Variants in FAM76A observed in about 807,000 individuals in gnomAD.
FAM76A encodes family with sequence similarity 76 member A.
In FAM76A, 32 loss-of-function variants were observed where a neutral mutation model predicts 46.2. The ratio of observed to expected loss-of-function variants is 0.69; its 90% CI spans 0.52 to 0.93. The LOEUF (loss-of-function observed/expected upper bound fraction) is 0.93, where lower values mean the gene tolerates loss of function less well. Among genes scored for constraint, FAM76A ranks in the 40% least tolerant of loss-of-function variants. The pLI is 0.00. For synonymous variants in FAM76A, 137 were observed against 127.0 expected (o/e 1.08, Z -0.53); for missense variants, 274 against 361.5 (o/e 0.76, Z 1.96).
At chr1:27,746,015 A>G (rs1338208817) in intron 5 of FAM76A, among the ~76,000 whole-genome samples, 1 of 152,202 alleles carries the variant, frequency 6.6e-6, no homozygotes, top group East Asian at 1.9e-4. Flanking sequence ...CCAAATCTTC[A>G]TTTAAAAAAT....
chr1:27,748,590 T>C (rs1260161054), intron 5 of FAM76A, among the ~76,000 whole-genome samples: 1 of 148,634 alleles, frequency 6.7e-6, no homozygotes, highest in Non-Finnish European at 1.5e-5. Context: ...CAAGCCATTC[T>C]GCTGCCTCAG....
intron 5 of FAM76A, among the ~76,000 whole-genome samples, chr1:27,747,009 A>C (rs563313863): frequency 6.6e-6 from 1 of 152,210 alleles, no homozygotes; most frequent in East Asian, 1.9e-4. Context: ...TTGGAGTTTG[A>C]GGCTTGCTGT....
chr1:27,759,449 A>G, intron 7 of FAM76A, 77 bp from the exon 8 acceptor site: 1 of 880,248 alleles, frequency 1.1e-6, no homozygotes, highest in Non-Finnish European at 1.8e-6. Flanking sequence ...AATTTGGGTG[A>G]CCATTTAGCT....
chr1:27,727,961 C>T (rs1207347948), intron 2 of FAM76A, among the ~76,000 whole-genome samples: 2 of 152,114 alleles, frequency 1.3e-5, no homozygotes, highest in East Asian at 1.9e-4. Context: ...GTGCCTGCCA[C>T]CATGTCCGGC....
chr1:27,734,336 A>C (rs1014378082), intron 4 of FAM76A, among the ~76,000 whole-genome samples, 153 bp downstream of exon 4: 1 of 152,144 alleles, frequency 6.6e-6, no homozygotes, highest in Non-Finnish European at 1.5e-5. Flanking sequence ...TCATGAGGTC[A>C]GGAGATCAAG....
intron 7 of FAM76A, among the ~76,000 whole-genome samples, chr1:27,757,144 C>T (rs1434248360): frequency 6.6e-6 from 1 of 151,094 alleles, no homozygotes; most frequent in African/African-American, 2.4e-5. Context: ...TAACTTCGTG[C>T]CTAGCTCTGT....
chr1:27,758,679 G>GTTTT (rs35065746), intron 7 of FAM76A, among the ~76,000 whole-genome samples: 19 of 111,322 alleles, frequency 1.7e-4, no homozygotes, highest in African/African-American at 2.1e-4. Context: ...TTTAATTTTC[G>GTTTT]TTTTTTTTTT....
At chr1:27,727,657 CA>C (rs780731755) in intron 2 of FAM76A, 121 bp downstream of exon 2, 12 of 733,110 alleles carry the variant, frequency 1.6e-5, no homozygotes, top group African/African-American at 3.5e-5. Context: ...GATCTGTAAT[CA>C]ATCACATTAT....
intron 4 of FAM76A, chr1:27,740,746 C>T (rs2088137447): frequency 2.6e-6 from 1 of 387,398 alleles, no homozygotes; most frequent in Non-Finnish European, 4.7e-6. Flanking sequence ...AGCAATTATT[C>T]ATTCTAATGA....
rs373115751 is a variant in FAM76A at position 27,748,622 on chromosome 1, C to T, written c.513-446C>T. ...TCAGCCTCCTGCGTAGCTGGGACTA[C>T]AGGCGCCCGCCACCTCGCCTGGCTA... On this transcript the variant is annotated intron_variant, in intron 5 of 8. Coordinates refer to ENST00000373954, the MANE Select transcript of FAM76A (RefSeq NM_152660.3). 2.0e-5 allele frequency among the ~76,000 whole-genome samples: 3 copies of T among 151,686 alleles called. No individual in the cohort carries two copies. In the East Asian group the frequency reaches 5.8e-4, roughly 30 times the overall value.
chr1:27,740,945 G>C (rs2148574676), intron 4 of FAM76A, among the ~76,000 whole-genome samples: 1 of 152,054 alleles, frequency 6.6e-6, no homozygotes, highest in Non-Finnish European at 1.5e-5. Flanking sequence ...CCTCAACATG[G>C]AGAAACCCCA....
chr1:27,760,756 T>TCTG lies in FAM76A; in HGVS notation c.*175_*176insCTG. 5.2e-6 allele frequency: 2 copies of TCTG among 388,066 alleles called. No individual in the cohort carries two copies. The highest frequency in any genetic ancestry group is 4.0e-5 in the South Asian group (1 of 24,976). 24.0% of individuals were successfully genotyped at this position (388,066 alleles called of 1,614,324 possible). A position where few individuals can be genotyped will look rare whatever the true frequency, so the allele number is the denominator to read the frequency against. On this transcript the variant is annotated 3_prime_UTR_variant, in exon 9 of 9. Transcript: ENST00000373954. The stretch of plus-strand genomic sequence containing the variant: ...ATGGAAACACCTGGTTTGTGCTGTG[T>TCTG]TAGACTGCATGCTTGAGTGTTTGGG...
intron 3 of FAM76A, among the ~76,000 whole-genome samples, chr1:27,733,791 A>G (rs959503779): frequency 6.6e-6 from 1 of 152,122 alleles, no homozygotes; most frequent in African/African-American, 2.4e-5. Context: ...TGGAGGTTGC[A>G]TTGAGCTGAG....
intron 4 of FAM76A, among the ~76,000 whole-genome samples, chr1:27,737,535 C>G (rs553534267): frequency 2.6e-5 from 4 of 151,180 alleles, no homozygotes; most frequent in Admixed American, 2.0e-4. Flanking sequence ...GGCAACATGG[C>G]AAAACCCTGT....
At chr1:27,733,957 G>A (rs1232830437) in intron 3 of FAM76A, 74 bp from the exon 4 acceptor site, 1 of 1,432,998 alleles carries the variant, frequency 7.0e-7, no homozygotes, top group Non-Finnish European at 9.6e-7. Context: ...TACAAAGTAG[G>A]AATTATTGCT....
chr1:27,731,205 T>A (rs1260201384), intron 2 of FAM76A, among the ~76,000 whole-genome samples: 2 of 148,698 alleles, frequency 1.3e-5, no homozygotes, highest in African/African-American at 4.9e-5. Flanking sequence ...AGAATTTTTT[T>A]TTTTTTTTTT....
intron 5 of FAM76A, among the ~76,000 whole-genome samples, chr1:27,748,318 G>T (rs2088275564): frequency 1.3e-5 from 2 of 151,588 alleles, no homozygotes; most frequent in Non-Finnish European, 2.9e-5. Flanking sequence ...TAGAGACGGG[G>T]TTTTACAGTG....
intron 4 of FAM76A, among the ~76,000 whole-genome samples, chr1:27,736,319 C>T (rs1215302065): frequency 6.6e-6 from 1 of 151,944 alleles, no homozygotes; most frequent in African/African-American, 2.4e-5. Context: ...AAGACTTCAT[C>T]TCAAAAAAAA....
At position 27,727,504 on chromosome 1, in the gene FAM76A, C is replaced by T; in HGVS notation, c.114C>T (p.Cys38=). The part of the protein sequence containing the change: ...ECRIAHPVVK[C]TYCRTEYQQE... ...GGATTGCACACCCTGTTGTGAAGTG[C>T]ACCTACTGCAGGACTGAGTACCAGC... Residue 38 remains cysteine, a synonymous_variant, in exon 2 of 9, where the codon TGC becomes TGT. Coordinates refer to ENST00000373954, the MANE Select transcript of FAM76A (RefSeq NM_152660.3). The T allele has an allele frequency of 6.2e-7, 1 of 1,613,812 alleles. No homozygotes were observed. The highest frequency in any genetic ancestry group is 8.5e-7 in the Non-Finnish European group (1 of 1,179,758).
Sources: allele counts gnomAD v4.1 joint callset (sites outside exome capture counted in the v4.1 genomes callset), GRCh38; gene constraint gnomAD v4.1.1; transcripts MANE v1.5; gene names NCBI Gene and HGNC (gene_info 2026-07-23, HGNC 2026-07-21).